The following ADGRV1 variants were observed in gnomAD, a reference collection of about 807,000 sequenced individuals.
ADGRV1 encodes the protein G-protein coupled receptor 98.
ADGRV1 carries 359 observed loss-of-function variants against 596.2 expected under a neutral mutation model. The observed-to-expected ratio is 0.60, with a 90% CI of 0.55 to 0.66. The LOEUF (loss-of-function observed/expected upper bound fraction) is 0.66. Ranked by LOEUF, ADGRV1 falls within the 30% of genes least tolerant of loss-of-function variation. The pLI is 0.00. For missense variants in ADGRV1, 7,274 were observed against 7,575.6 expected (o/e 0.96, Z 1.48); for synonymous variants, 2,681 against 2,679.2 (o/e 1.00, Z -0.02).
chr5:90,789,016 T>A (rs1161268256), intron 68 of ADGRV1, among the ~76,000 whole-genome samples: 6 of 151,474 alleles, frequency 4.0e-5, no homozygotes, highest in African/African-American at 1.2e-4. Flanking sequence ...CAGGAAAGAG[T>A]TGAAGTTGCA....
chr5:90,863,226 G>A (rs1050446932), intron 82 of ADGRV1, among the ~76,000 whole-genome samples: 1 of 152,186 alleles, frequency 6.6e-6, no homozygotes, highest in Non-Finnish European at 1.5e-5. Context: ...TAAAAGATTT[G>A]TTGGATTAGT....
At position 90,716,667 on chromosome 5, in the gene ADGRV1, G is replaced by A; in HGVS notation, c.9385G>A (p.Glu3129Lys). 2 of 1,613,146 alleles carry A rather than the reference G, an allele frequency of 1.2e-6. No individual in the cohort carries two copies. Among genetic ancestry groups the A allele is most frequent in the South Asian group, 1.1e-5 (1 of 91,058 alleles). The change falls in exon 43 of 90, where the codon GAA (glutamate) becomes AAA (lysine). Residue 3129 changes from glutamate to lysine, a missense_variant. By Grantham distance (56) the Glu-to-Lys change is moderately conservative. This residue lies in a region of ADGRV1 where 3,643 missense variants were observed against 3,809.2 expected (regional missense o/e 0.96). Transcript: ENST00000405460. ...TGTGACAGAAGTGAATTCCTCAAAT[G>A]AATCTAAAGATCTGACTCCTTCCAA... ...FIVTEVNSSNESKDLTPSKGY... is the reference protein window; with the variant it reads ...FIVTEVNSSNKSKDLTPSKGY...
chr5:90,968,551 A>G (rs1778675694), intron 84 of ADGRV1, among the ~76,000 whole-genome samples: 2 of 152,352 alleles, frequency 1.3e-5, no homozygotes, highest in African/African-American at 4.8e-5. Context: ...TTCAGATGGT[A>G]CACCACACAT....
intron 87 of ADGRV1, among the ~76,000 whole-genome samples, chr5:91,114,658 C>G (rs1431409809): frequency 6.6e-6 from 1 of 152,146 alleles, no homozygotes; most frequent in African/African-American, 2.4e-5. Context: ...GGACCCAGGA[C>G]TCCAGTGAAA....
chr5:91,114,404 G>A (rs1374787862), intron 87 of ADGRV1, among the ~76,000 whole-genome samples: 2 of 151,956 alleles, frequency 1.3e-5, no homozygotes. Flanking sequence ...GCACACGCCT[G>A]TAATTGCAGC....
In ADGRV1 at chr5:91,150,292, T is replaced by G. The variant is rs1795942402; in HGVS notation, c.18624+71T>G. ...CTCTCTCTCTCTCTGTCTGTCTCTC[T>G]CTCTGTGTCTGTCTGTCTCATTGAC... On this transcript the variant is annotated intron_variant, in intron 88 of 89. Transcript: ENST00000405460. 3.0e-5 allele frequency: 36 copies of G among 1,204,788 alleles called. No homozygotes were observed. In the South Asian group the frequency reaches 7.1e-4, roughly 24 times the overall value. 74.6% of individuals were successfully genotyped at this position (1,204,788 alleles called of 1,614,324 possible). A position where few individuals can be genotyped will look rare whatever the true frequency, so the allele number is the denominator to read the frequency against.
At chr5:91,065,671 A>G (rs6865615) in intron 85 of ADGRV1, among the ~76,000 whole-genome samples, 89,126 of 152,016 alleles carry the variant, frequency 0.59, 26,839 homozygotes, top group South Asian at 0.68. Flanking sequence ...CCCACATAAA[A>G]TTTTTTTAAA....
intron 87 of ADGRV1, among the ~76,000 whole-genome samples, chr5:91,113,543 AGAGAGT>A (rs151090770): frequency 0.048 from 7,271 of 152,240 alleles, 294 homozygotes; most frequent in East Asian, 0.15. Flanking sequence ...ACCTCCTCTA[AGAGAGT>A]CAGTTGTTCC....
chr5:91,050,655 T>G (rs1786236630), intron 85 of ADGRV1, among the ~76,000 whole-genome samples: 1 of 151,974 alleles, frequency 6.6e-6, no homozygotes. Flanking sequence ...ACCCAGGAGT[T>G]CAAGACCACC....
At chr5:90,595,737 C>T (rs867804699) in intron 1 of ADGRV1, among the ~76,000 whole-genome samples, 307 of 129,184 alleles carry the variant, frequency 2.4e-3, no homozygotes, top group African/African-American at 9.0e-3. Flanking sequence ...TAGGGGCGGC[C>T]GGGCAGAGGC....
At chr5:90,805,702 T>C (rs1761838798) in intron 72 of ADGRV1, among the ~76,000 whole-genome samples, 1 of 152,150 alleles carries the variant, frequency 6.6e-6, no homozygotes, top group Admixed American at 6.5e-5. Flanking sequence ...AACTACTCTG[T>C]CCATACAATA....
chr5:90,828,036 T>C (rs578184290), intron 76 of ADGRV1, among the ~76,000 whole-genome samples: 45 of 152,288 alleles, frequency 3.0e-4, no homozygotes, highest in African/African-American at 9.6e-4. Flanking sequence ...ACAATATTGC[T>C]AAGATTTGTG....
At chr5:90,633,721 G>T (rs187154586) in intron 9 of ADGRV1, among the ~76,000 whole-genome samples, 1 of 151,882 alleles carries the variant, frequency 6.6e-6, no homozygotes. Flanking sequence ...GGTAAATGCA[G>T]TATACTAAAG....
At position 90,745,606 on chromosome 5, in the gene ADGRV1, A is replaced by G. The variant is rs1754533044; in HGVS notation, c.10785A>G (p.Ile3595Met). ...CTTATGGTAGTTCAGGTGAACTGAT[A>G]TTTGAACCTGGTGAGAGAGAAGCTA... Reference protein sequence around the residue: ...SDFIPSSGELIFEPGEREATI... With the variant: ...SDFIPSSGELMFEPGEREATI... The change falls in exon 52 of 90, where the codon ATA becomes ATG. Residue 3595 changes from isoleucine (I) to methionine (M), a missense_variant. This residue lies in a region of ADGRV1 where 3,643 missense variants were observed against 3,809.2 expected (regional missense o/e 0.96). Coordinates refer to ENST00000405460, the MANE Select transcript of ADGRV1 (RefSeq NM_032119.4). 1.2e-6 allele frequency: 2 copies of G among 1,610,172 alleles called. No individual in the cohort carries two copies. The highest frequency in any genetic ancestry group is 2.2e-5 in the East Asian group (1 of 44,820).
intron 28 of ADGRV1, among the ~76,000 whole-genome samples, chr5:90,684,459 T>A (rs1156869201): frequency 6.6e-6 from 1 of 152,138 alleles, no homozygotes; most frequent in Non-Finnish European, 1.5e-5. Flanking sequence ...TGGTGTAGTC[T>A]TGAGGCTGCC....
chr5:90,861,633 T>A (rs1424025588), intron 82 of ADGRV1, among the ~76,000 whole-genome samples: 1 of 152,202 alleles, frequency 6.6e-6, no homozygotes, highest in African/African-American at 2.4e-5. Context: ...AAAAAATCAT[T>A]CTATTTATAG....
rs1199332528 is a variant in ADGRV1 at position 90,784,016 on chromosome 5, C to G, written c.13612C>G (p.Leu4538Val). The change falls in exon 67 of 90, where the codon CTG becomes GTG. Residue 4538 changes from leucine (L) to valine (V), a missense_variant. Leu to Val is a conservative substitution (Grantham distance 32, BLOSUM62 1). Coordinates refer to ENST00000405460, the MANE Select transcript of ADGRV1 (RefSeq NM_032119.4). ...TCCCAATTCCACAATGATTTTATCACTGGTGCTGGAGCGGACTGGAGGACT... is the reference window on the plus strand; with the variant it reads ...TCCCAATTCCACAATGATTTTATCAGTGGTGCTGGAGCGGACTGGAGGACT... ...ANPNSTMILS[L>V]VLERTGGLLG... 1.2e-6 allele frequency: 2 copies of G among 1,612,812 alleles called. No individual in the cohort carries two copies. Among genetic ancestry groups the G allele is most frequent in the Non-Finnish European group, 1.7e-6 (2 of 1,179,390 alleles).
rs149897011 is a variant in ADGRV1 at position 90,977,742 on chromosome 5, A to C, written c.17974-7602A>C. ...ATAGGTTTGTGTAGGAATGTAAGTAAATATGCTTATAGACACAGTCTTTTA... is the reference window on the plus strand; with the variant it reads ...ATAGGTTTGTGTAGGAATGTAAGTACATATGCTTATAGACACAGTCTTTTA... On this transcript the variant is annotated intron_variant, in intron 84 of 89. Coordinates refer to ENST00000405460, the MANE Select transcript of ADGRV1 (RefSeq NM_032119.4). Among the ~76,000 whole-genome samples, 837 of 152,314 alleles carry C rather than the reference A, an allele frequency of 5.5e-3. 27 individuals carry two copies. The highest frequency in any genetic ancestry group is 0.043 in the Admixed American group (654 of 15,288).
At chr5:90,882,984 A>G (rs1561891939) in intron 83 of ADGRV1, among the ~76,000 whole-genome samples, 1 of 151,960 alleles carries the variant, frequency 6.6e-6, no homozygotes, top group Non-Finnish European at 1.5e-5. Flanking sequence ...AAGTAAAGAT[A>G]GCTTTTTTGG....
Sources: allele counts gnomAD v4.1 joint callset (sites outside exome capture counted in the v4.1 genomes callset), GRCh38; gene constraint gnomAD v4.1.1; regional missense constraint gnomAD v4.1.1; transcripts MANE v1.5; gene names NCBI Gene and HGNC (gene_info 2026-07-23, HGNC 2026-07-21).